STXBP5L: variants seen among roughly 807,000 people sequenced by gnomAD.
The protein encoded by STXBP5L is syntaxin binding protein 5L.
In STXBP5L, 65 loss-of-function variants were observed where a neutral mutation model predicts 144.5. The ratio of observed to expected loss-of-function variants is 0.45; its 90% CI spans 0.37 to 0.55. The LOEUF (loss-of-function observed/expected upper bound fraction) is 0.55. Among genes scored for constraint, STXBP5L ranks in the 20% least tolerant of loss-of-function variants. The probability of loss-of-function intolerance (pLI) is 0.00; values close to 1 mark genes in which losing one functional copy is unlikely to be tolerated. For synonymous variants in STXBP5L, 505 were observed against 469.6 expected (o/e 1.08, Z -0.97); for missense variants, 1,298 against 1,405.5 (o/e 0.92, Z 1.22).
chr3:121,043,275 G>A (rs543434752), intron 4 of STXBP5L, among the ~76,000 whole-genome samples: 2 of 152,016 alleles, frequency 1.3e-5, no homozygotes, highest in East Asian at 3.9e-4. Context: ...GCTTTTGGTA[G>A]GTTCACTTTG....
intron 6 of STXBP5L, among the ~76,000 whole-genome samples, chr3:121,117,863 T>A (rs541219382): frequency 6.6e-5 from 10 of 151,910 alleles, no homozygotes; most frequent in Non-Finnish European, 1.5e-4. Flanking sequence ...TAAACAGTGA[T>A]ATTTGAAGAA....
intron 3 of STXBP5L, among the ~76,000 whole-genome samples, chr3:121,039,608 T>A (rs1472760654): frequency 6.6e-6 from 1 of 152,010 alleles, no homozygotes; most frequent in Non-Finnish European, 1.5e-5. Context: ...TCTTTCACAT[T>A]CCTTTTAGTG....
intron 5 of STXBP5L, among the ~76,000 whole-genome samples, chr3:121,097,336 A>G (rs1303710854): frequency 6.6e-6 from 1 of 152,068 alleles, no homozygotes; most frequent in East Asian, 1.9e-4. Flanking sequence ...TCTTGCTGGC[A>G]TTCCAGGAGC....
At position 121,152,560 on chromosome 3, in the gene STXBP5L, G is replaced by A. The variant is rs1237177324; in HGVS notation, c.753G>A (p.Glu251=). The A allele has an allele frequency of 6.3e-7, 1 of 1,594,100 alleles. No homozygotes were observed. The highest frequency in any genetic ancestry group is 1.4e-5 in the African/African-American group (1 of 73,856). ...CAGAACTGAGAGTTTATTATGATGA[G>A]GTAAGTGATTTCTACCGACATGTTT... ...KRAELRVYYD[E]AIHSIDWHHE... The change falls in exon 8 of 27, where the codon GAG becomes GAA. Residue 251 remains glutamate (E), a splice_region_variant and synonymous_variant. Coordinates refer to ENST00000471454, the MANE Select transcript of STXBP5L (RefSeq NM_001308330.2).
chr3:121,026,307 C>A (rs1248754624), intron 3 of STXBP5L, among the ~76,000 whole-genome samples: 1 of 151,886 alleles, frequency 6.6e-6, no homozygotes. Flanking sequence ...CTGGTTAAAT[C>A]TTTTATATTC....
At chr3:121,366,060 G>A (rs1460771768) in intron 20 of STXBP5L, among the ~76,000 whole-genome samples, 1 of 151,780 alleles carries the variant, frequency 6.6e-6, no homozygotes, top group Non-Finnish European at 1.5e-5. Context: ...CCACAAGTTT[G>A]TTAATTTCTC....
At chr3:121,121,039 G>A (rs576694046) in intron 6 of STXBP5L, among the ~76,000 whole-genome samples, 1 of 151,196 alleles carries the variant, frequency 6.6e-6, no homozygotes, top group African/African-American at 2.4e-5. Context: ...ACAATATTCT[G>A]TTAGACTCAT....
intron 9 of STXBP5L, among the ~76,000 whole-genome samples, chr3:121,162,695 A>C (rs999006711): frequency 6.6e-6 from 1 of 152,192 alleles, no homozygotes; most frequent in Non-Finnish European, 1.5e-5. Flanking sequence ...AATATCTAGA[A>C]TCTACAAGGA....
chr3:121,262,906 A>G (rs935712670), intron 18 of STXBP5L, among the ~76,000 whole-genome samples: 4 of 152,192 alleles, frequency 2.6e-5, no homozygotes, highest in Non-Finnish European at 5.9e-5. Context: ...GCAGACTTAA[A>G]TGTTCCTGCC....
intron 5 of STXBP5L, among the ~76,000 whole-genome samples, chr3:121,111,901 G>T (rs1335698853): frequency 2.0e-5 from 3 of 152,116 alleles, no homozygotes; most frequent in African/African-American, 7.2e-5. Context: ...GGAGATCAGA[G>T]TTCTGTCTGT....
At chr3:121,288,327 C>T (rs980890569) in intron 19 of STXBP5L, among the ~76,000 whole-genome samples, 8 of 152,102 alleles carry the variant, frequency 5.3e-5, no homozygotes, top group African/African-American at 1.9e-4. Flanking sequence ...TATGGTAAAC[C>T]ACAAGTTATA....
chr3:121,286,062 C>T (rs961197569), intron 19 of STXBP5L, among the ~76,000 whole-genome samples: 2 of 152,046 alleles, frequency 1.3e-5, no homozygotes, highest in Non-Finnish European at 2.9e-5. Context: ...GATATTATGC[C>T]ATTTGAATCA....
intron 9 of STXBP5L, among the ~76,000 whole-genome samples, chr3:121,164,716 A>G (rs887325781): frequency 6.6e-6 from 1 of 152,238 alleles, no homozygotes; most frequent in Admixed American, 6.5e-5. Context: ...CTTAAAAAGG[A>G]AAGATATCCT....
intron 20 of STXBP5L, among the ~76,000 whole-genome samples, chr3:121,324,254 G>C (rs1001445252): frequency 6.6e-6 from 1 of 152,216 alleles, no homozygotes; most frequent in Admixed American, 6.5e-5. Context: ...AGCCTAGTTT[G>C]AATGCTCCTT....
chr3:121,006,509 G>A (rs760916983), intron 3 of STXBP5L, among the ~76,000 whole-genome samples: 6 of 152,006 alleles, frequency 3.9e-5, no homozygotes, highest in East Asian at 1.9e-4. Context: ...TATCCACTTT[G>A]CCAGTCCGTG....
chr3:121,007,097 G>A (rs1273591580), intron 3 of STXBP5L, among the ~76,000 whole-genome samples: 1 of 152,080 alleles, frequency 6.6e-6, no homozygotes, highest in Admixed American at 6.5e-5. Context: ...ATATTGGCCT[G>A]TCTTGCTAGA....
chr3:121,045,630 C>A (rs759680131), intron 5 of STXBP5L, 95 bp downstream of exon 5: 1 of 1,047,888 alleles, frequency 9.5e-7, no homozygotes, highest in Non-Finnish European at 1.4e-6. Flanking sequence ...TCCTCATAAT[C>A]TCAACAGCTA....
chr3:121,311,432 G>T (rs2043523160), intron 19 of STXBP5L, among the ~76,000 whole-genome samples: 1 of 152,172 alleles, frequency 6.6e-6, no homozygotes, highest in Non-Finnish European at 1.5e-5. Flanking sequence ...ATGGAGGAAT[G>T]TTAAATTAAA....
At chr3:121,136,790 G>T (rs2045275712) in intron 7 of STXBP5L, among the ~76,000 whole-genome samples, 1 of 152,160 alleles carries the variant, frequency 6.6e-6, no homozygotes, top group African/African-American at 2.4e-5. Context: ...TATGTTCATT[G>T]CGGTACTATT....
Sources: allele counts gnomAD v4.1 joint callset (sites outside exome capture counted in the v4.1 genomes callset), GRCh38; gene constraint gnomAD v4.1.1; transcripts MANE v1.5; gene names NCBI Gene and HGNC (gene_info 2026-07-23, HGNC 2026-07-21).